PRPSAP2: variants seen among roughly 807,000 people sequenced by gnomAD.
PRPSAP2 encodes the protein phosphoribosyl pyrophosphate synthase-associated protein 2.
A neutral mutation model predicts 40.6 loss-of-function variants in PRPSAP2; 24 were observed. That is an observed-to-expected ratio of 0.59 (90% CI 0.43 to 0.83). PRPSAP2 has a LOEUF of 0.83. PRPSAP2 is among the 40% of genes least tolerant of loss of function. PRPSAP2 has a pLI of 0.00. For missense variants in PRPSAP2, 292 were observed against 465.6 expected, an observed-to-expected ratio of 0.63 and a Z score of 3.43; for synonymous variants, 149 against 164.7, an observed-to-expected ratio of 0.90 and a Z score of 0.73.
At chr17:18,881,352 C>T (rs1373794043) in intron 6 of PRPSAP2, among the ~76,000 whole-genome samples, 1 of 151,858 alleles carries the variant, frequency 6.6e-6, no homozygotes, top group Non-Finnish European at 1.5e-5. Context: ...ATTCTCCTGC[C>T]TCAGCCTCCC....
intron 10 of PRPSAP2, among the ~76,000 whole-genome samples, chr17:18,925,483 A>C (rs747556258): frequency 1.2e-4 from 19 of 152,058 alleles, no homozygotes; most frequent in Non-Finnish European, 2.6e-4. Flanking sequence ...CTTGCTCAAC[A>C]CTGTTATTGA....
At chr17:18,876,405 T>C (rs1207839841) in intron 5 of PRPSAP2, among the ~76,000 whole-genome samples, 1 of 152,222 alleles carries the variant, frequency 6.6e-6, no homozygotes, top group African/African-American at 2.4e-5. Flanking sequence ...TGAAAGTCTC[T>C]TTTAACTCAT....
At chr17:18,907,682 A>G (rs1195913533) in intron 8 of PRPSAP2, among the ~76,000 whole-genome samples, 2 of 152,234 alleles carry the variant, frequency 1.3e-5, no homozygotes, top group Non-Finnish European at 2.9e-5. Context: ...GCCATACAAA[A>G]TATATTCTCT....
At chr17:18,915,466 G>A (rs117579859) in intron 9 of PRPSAP2, among the ~76,000 whole-genome samples, 17 of 149,808 alleles carry the variant, frequency 1.1e-4, no homozygotes, top group Admixed American at 2.0e-4. Context: ...ATAAGACTGG[G>A]TATTCTATAA....
intron 6 of PRPSAP2, among the ~76,000 whole-genome samples, chr17:18,879,611 G>C (rs1401372777): frequency 6.6e-6 from 1 of 151,668 alleles, no homozygotes; most frequent in Admixed American, 6.6e-5. Context: ...CCACCACCAC[G>C]CCTGGCTAAT....
intron 10 of PRPSAP2, among the ~76,000 whole-genome samples, chr17:18,924,568 A>G (rs1229666726): frequency 6.6e-6 from 1 of 151,702 alleles, no homozygotes; most frequent in African/African-American, 2.4e-5. Context: ...CAGGAGTTCA[A>G]GACCAGCTTG....
At chr17:18,882,757 AC>A (rs2151910620) in intron 7 of PRPSAP2, 74 bp downstream of exon 7, 1 of 970,990 alleles carries the variant, frequency 1.0e-6, no homozygotes, top group East Asian at 2.4e-5. Flanking sequence ...TCCTTAGGAT[AC>A]CCCTAAAGGA....
intron 10 of PRPSAP2, among the ~76,000 whole-genome samples, chr17:18,924,639 C>T (rs976126321): frequency 2.0e-5 from 3 of 151,802 alleles, no homozygotes; most frequent in Non-Finnish European, 4.4e-5. Context: ...CTTGGTGGCA[C>T]ATACCTGCAG....
intron 9 of PRPSAP2, among the ~76,000 whole-genome samples, chr17:18,915,974 C>T (rs2041285663): frequency 6.6e-6 from 1 of 152,038 alleles, no homozygotes; most frequent in Non-Finnish European, 1.5e-5. Context: ...TGCATGCCAC[C>T]ACACCCGGCT....
At chr17:18,917,575 ATTATTATTATTTT>A (rs2041409074) in intron 9 of PRPSAP2, 10 of 33,078 alleles carry the variant, frequency 3.0e-4, no homozygotes, top group East Asian at 1.8e-3. Flanking sequence ...TATTATTATT[ATTATTATTATTTT>A]TTTTTTTTTT....
At chr17:18,869,394 G>C (rs2037674453) in intron 4 of PRPSAP2, among the ~76,000 whole-genome samples, 1 of 149,182 alleles carries the variant, frequency 6.7e-6, no homozygotes, top group African/African-American at 2.5e-5. Context: ...CTGGGGTGTA[G>C]TGGCATGATC....
chr17:18,911,311 G>T lies in PRPSAP2; in HGVS notation c.733+60G>T. On this transcript the variant is annotated intron_variant, in intron 9 of 11. Coordinates refer to ENST00000268835, the MANE Select transcript of PRPSAP2 (RefSeq NM_002767.4). This position sits in a 1 kb window ranked among gnomAD's most constrained non-coding sequence, Gnocchi z 4.5. ...TGATTTTAAGGCTGACTACACTGTT[G>T]TCTGTGTGGTTTTTTTCCTCATTCT... is the stretch of plus-strand genomic sequence containing the variant. 1.4e-6 allele frequency: 2 copies of T among 1,431,458 alleles called. No homozygotes were observed. The highest frequency in any genetic ancestry group is 1.8e-6 in the Non-Finnish European group (2 of 1,082,758). The allele number at this position is 1,431,458 out of a possible 1,614,324, so 88.7% of individuals were successfully genotyped here.
At chr17:18,896,704 C>T (rs1402913200) in intron 8 of PRPSAP2, among the ~76,000 whole-genome samples, 1 of 148,242 alleles carries the variant, frequency 6.7e-6, no homozygotes, top group Non-Finnish European at 1.5e-5. Flanking sequence ...GGACTATTCA[C>T]ACAGAGTGAC....
chr17:18,864,001 G>C (rs2037247176), intron 1 of PRPSAP2, among the ~76,000 whole-genome samples: 1 of 150,908 alleles, frequency 6.6e-6, no homozygotes, highest in Admixed American at 6.6e-5. Flanking sequence ...CACCATGCCT[G>C]GCTTATTTTT....
chr17:18,874,474 A>G (rs1414476909), intron 5 of PRPSAP2, among the ~76,000 whole-genome samples: 1 of 152,092 alleles, frequency 6.6e-6, no homozygotes, highest in Non-Finnish European at 1.5e-5. Flanking sequence ...AATTTTGAAC[A>G]TTTTCTCTCC....
intron 8 of PRPSAP2, among the ~76,000 whole-genome samples, chr17:18,896,921 G>A (rs1597653233): frequency 6.6e-6 from 1 of 152,052 alleles, no homozygotes; most frequent in African/African-American, 2.4e-5. Flanking sequence ...GAGAGGCATG[G>A]GAATAATGGA....
chr17:18,902,148 TC>T (rs2040306686), intron 8 of PRPSAP2, among the ~76,000 whole-genome samples: 1 of 152,214 alleles, frequency 6.6e-6, no homozygotes, highest in South Asian at 2.1e-4. Context: ...CTGTTGACTT[TC>T]CCATCTGGGT....
chr17:18,874,835 C>T (rs1329497357), intron 5 of PRPSAP2, among the ~76,000 whole-genome samples: 2 of 152,202 alleles, frequency 1.3e-5, no homozygotes, highest in East Asian at 3.9e-4. Flanking sequence ...GGGGCGGGCA[C>T]AGAACAACTT....
intron 10 of PRPSAP2, among the ~76,000 whole-genome samples, chr17:18,926,777 AGTGTGTGTGT>A (rs71155377): frequency 1.4e-4 from 21 of 148,216 alleles, no homozygotes; most frequent in Admixed American, 1.3e-4. Context: ...AGTGAGTGTG[AGTGTGTGTGT>A]GTGTGTGTGT....
Sources: gnomAD v4.1 joint callset for allele counts (sites outside exome capture counted in the v4.1 genomes callset) on GRCh38, gnomAD v4.1.1 for gene constraint, Gnocchi (gnomAD v3.1) non-coding constraint, MANE v1.5 for transcripts, NCBI Gene and HGNC (gene_info 2026-07-23, HGNC 2026-07-21) for gene names.